Variants in CNNM2 observed in about 807,000 individuals in gnomAD.
The protein encoded by CNNM2 is cyclin and CBS domain divalent metal cation transport mediator 2.
In CNNM2, 12 loss-of-function variants were observed where a neutral mutation model predicts 66.9. That is an observed-to-expected ratio of 0.18 (90% confidence interval 0.11 to 0.29). CNNM2 has a LOEUF of 0.29. CNNM2 is among the 10% of genes least tolerant of loss of function. CNNM2 has a pLI of 1.00. For synonymous variants in CNNM2, 557 were observed against 501.8 expected (o/e 1.11, Z -1.47); for missense variants, 705 against 1,167.7 (o/e 0.60, Z 5.77).
In CNNM2 at chr10:103,009,700, T is replaced by C. The variant is rs1276811523; in HGVS notation, c.1622-40007T>C. Among the ~76,000 whole-genome samples the C allele has an allele frequency of 4.4e-4, 41 of 93,482 alleles. No individual in the cohort carries two copies. The East Asian group carries it at 0.013, about 29-fold the overall frequency. The allele number at this position is 93,482 out of a possible 152,430, so 61.3% of individuals were successfully genotyped here. On this transcript the variant is annotated intron_variant, in intron 1 of 7. Transcript: ENST00000369878. The stretch of plus-strand genomic sequence containing the variant: ...AAAAAAAAAAAAAAAAAAAAAAAAG[T>C]ATATTGGGAGAATGGAGAACCAGAG...
chr10:103,072,680 T>C (rs1473863612), intron 6 of CNNM2, among the ~76,000 whole-genome samples: 3 of 152,260 alleles, frequency 2.0e-5, no homozygotes, highest in Non-Finnish European at 2.9e-5. Context: ...TTAATCTGTC[T>C]TTAATTAAAA....
At position 103,054,026 on chromosome 10, in the gene CNNM2, C is replaced by T. The variant is rs779151012; in HGVS notation, c.1766-303C>T. On this transcript the variant is annotated intron_variant, in intron 2 of 7. Coordinates refer to ENST00000369878, the MANE Select transcript of CNNM2 (RefSeq NM_017649.5). This position sits in a 1 kb window ranked among gnomAD's most constrained non-coding sequence, Gnocchi z 5.2. ...GTGCTTCTGTGGGTCTTGTGAGAGG[C>T]TCTGTCAGCATTTGCCTGATGCTGT... Among the ~76,000 whole-genome samples, 17 of 152,116 alleles carry T rather than the reference C, an allele frequency of 1.1e-4. No homozygotes were observed. The highest frequency in any genetic ancestry group is 2.4e-4 in the Non-Finnish European group (16 of 68,018).
At position 103,073,507 on chromosome 10, in the gene CNNM2, C is replaced by T. The variant is rs144943776; in HGVS notation, c.2233+1668C>T. 1.6e-4 allele frequency among the ~76,000 whole-genome samples: 25 copies of T among 152,232 alleles called. No homozygotes were observed. The East Asian group carries it at 4.8e-3, about 29-fold the overall frequency. On this transcript the variant is annotated intron_variant, in intron 6 of 7. Coordinates refer to ENST00000369878, the MANE Select transcript of CNNM2 (RefSeq NM_017649.5). The stretch of plus-strand genomic sequence containing the variant: ...ACCCTGGGTGAAGTCACTGCATGTG[C>T]AAAACCTTGGTCATGGGGTGGGCGC...
intron 1 of CNNM2, among the ~76,000 whole-genome samples, chr10:103,025,395 G>T (rs1252974112): frequency 6.6e-6 from 1 of 152,134 alleles, no homozygotes. Flanking sequence ...AGCCAAGTTG[G>T]CTCCATTCTA....
chr10:103,024,660 A>C lies in CNNM2; in HGVS notation c.1622-25047A>C, dbSNP rs183500241. On this transcript the variant is annotated intron_variant, in intron 1 of 7. Transcript: ENST00000369878. ...TGCCTGGCTAGTTTTTTGTATTTTT[A>C]GTAGAGATGGGGTTTCACCGTGTTA... is the stretch of plus-strand genomic sequence containing the variant. Among the ~76,000 whole-genome samples the C allele has an allele frequency of 2.2e-3, 339 of 151,946 alleles. 3 individuals carry two copies. The highest frequency in any genetic ancestry group is 7.7e-3 in the African/African-American group (321 of 41,426).
In CNNM2 at chr10:102,918,679, G is replaced by A. The variant is rs1251091949; in HGVS notation, c.199G>A (p.Gly67Ser). ...CCGAGGCAAV[G>S]ENEETVIIGL... The stretch of plus-strand genomic sequence containing the variant: ...CGGTGCGGGCGGCTGCGCAGCGGTG[G>A]GCGAGAATGAGGAGACGGTGATCAT... Residue 67 changes from glycine (G) to serine (S), a missense_variant, in exon 1 of 8, where the codon GGC becomes AGC. This residue lies in a region of CNNM2 where 37 missense variants were observed against 58.5 expected (regional missense o/e 0.63). Transcript: ENST00000369878. This position sits in a 1 kb window ranked among gnomAD's most constrained non-coding sequence, Gnocchi z 4.1. 11 of 1,553,394 alleles carry A rather than the reference G, an allele frequency of 7.1e-6. No homozygotes were observed. Among genetic ancestry groups the A allele is most frequent in the African/African-American group, 1.4e-5 (1 of 73,090 alleles).
intron 1 of CNNM2, among the ~76,000 whole-genome samples, chr10:103,028,167 C>CAGAA (rs1288766374): frequency 2.0e-5 from 3 of 152,180 alleles, no homozygotes; most frequent in African/African-American, 7.2e-5. Flanking sequence ...TGCGTACTCA[C>CAGAA]AGAAAGCTTA....
chr10:103,050,038 C>T (rs923319414), intron 2 of CNNM2, among the ~76,000 whole-genome samples, 188 bp downstream of exon 2: 2 of 152,104 alleles, frequency 1.3e-5, no homozygotes, highest in Non-Finnish European at 2.9e-5. Flanking sequence ...TAATGTCAAG[C>T]GACAGCATTC....
rs936222185 is a variant in CNNM2, at chr10:103,083,654, T to C, written c.*6474T>C. 1 of 152,204 alleles carries C rather than the reference T, an allele frequency of 6.6e-6. No individual in the cohort carries two copies. Among genetic ancestry groups the C allele is most frequent in the African/African-American group, 2.4e-5 (1 of 41,446 alleles). 9.4% of individuals were successfully genotyped at this position (152,204 alleles called of 1,614,324 possible). A position where few individuals can be genotyped will look rare whatever the true frequency, so the allele number is the denominator to read the frequency against. On this transcript the variant is annotated 3_prime_UTR_variant, in exon 8 of 8. Coordinates refer to ENST00000369878, the MANE Select transcript of CNNM2 (RefSeq NM_017649.5). Reference sequence around the variant, plus strand: ...GGGAAGGTGTCCTTCTTTGCAAGGATTATAATCTGTTCTCCATCAGTTACT... The same window carrying C: ...GGGAAGGTGTCCTTCTTTGCAAGGACTATAATCTGTTCTCCATCAGTTACT...
At chr10:102,978,791 G>A (rs932680618) in intron 1 of CNNM2, among the ~76,000 whole-genome samples, 3 of 152,076 alleles carry the variant, frequency 2.0e-5, no homozygotes, top group Non-Finnish European at 2.9e-5. Flanking sequence ...CTGTCCCAAG[G>A]GTAATCATCA....
rs186840780 is a variant in CNNM2, at chr10:103,089,085, G to A, written c.*11905G>A. On this transcript the variant is annotated 3_prime_UTR_variant, in exon 8 of 8. Coordinates refer to ENST00000369878, the MANE Select transcript of CNNM2 (RefSeq NM_017649.5). ...AAATAGAATCCTGCCCTAAAGCAAC[G>A]CAAGTAGAGCATACTTCTGTGCAAA... 4.9e-5 allele frequency: 11 copies of A among 224,558 alleles called. No homozygotes were observed. The highest frequency in any genetic ancestry group is 3.9e-4 in the East Asian group (6 of 15,442). The allele number at this position is 224,558 out of a possible 1,614,324, so 13.9% of individuals were successfully genotyped here.
At chr10:103,011,817 C>T (rs1452504485) in intron 1 of CNNM2, among the ~76,000 whole-genome samples, 2 of 151,972 alleles carry the variant, frequency 1.3e-5, no homozygotes, top group African/African-American at 4.8e-5. Context: ...CTCAACCTCC[C>T]AAATAGCTGG....
chr10:102,921,110 G>A (rs1845617359), intron 1 of CNNM2: 15 of 900,846 alleles, frequency 1.7e-5, no homozygotes, highest in Non-Finnish European at 2.0e-5. Context: ...ACCATATAAT[G>A]AACAGGTAAA....
intron 1 of CNNM2, among the ~76,000 whole-genome samples, chr10:103,039,757 G>T (rs2065007129): frequency 6.6e-6 from 1 of 152,132 alleles, no homozygotes; most frequent in Admixed American, 6.5e-5. Context: ...TATAAGGGCT[G>T]ACCCCTTCTT....
chr10:102,968,608 CT>C (rs547393785), intron 1 of CNNM2, among the ~76,000 whole-genome samples: 329 of 142,442 alleles, frequency 2.3e-3, no homozygotes, highest in Non-Finnish European at 2.7e-3. Flanking sequence ...GAGTGTAGTG[CT>C]TTTTTTTTTT....
At chr10:103,016,853 C>A (rs567892285) in intron 1 of CNNM2, among the ~76,000 whole-genome samples, 1 of 152,248 alleles carries the variant, frequency 6.6e-6, no homozygotes, top group Admixed American at 6.5e-5. Flanking sequence ...CTCTGCTGGC[C>A]CCTGCTGCTT....
At position 103,045,716 on chromosome 10, in the gene CNNM2, G is replaced by T. The variant is rs1038708563; in HGVS notation, c.1622-3991G>T. On this transcript the variant is annotated intron_variant, in intron 1 of 7. Coordinates refer to ENST00000369878, the MANE Select transcript of CNNM2 (RefSeq NM_017649.5). ...TTTATGGATATGTTTTAGATACTTT[G>T]CATGCTTTGGATTGGGAAAACCAAT... Among the ~76,000 whole-genome samples the T allele has an allele frequency of 2.0e-5, 3 of 151,364 alleles. No individual in the cohort carries two copies. The East Asian group carries it at 5.8e-4, about 29-fold the overall frequency.
intron 1 of CNNM2, among the ~76,000 whole-genome samples, chr10:103,039,304 T>G (rs2064998005): frequency 6.6e-6 from 1 of 152,082 alleles, no homozygotes; most frequent in Admixed American, 6.5e-5. Flanking sequence ...GCCTGGCTAA[T>G]TTTTGTATTT....
intron 4 of CNNM2, among the ~76,000 whole-genome samples, chr10:103,059,823 TAATC>T (rs776214598): frequency 6.6e-6 from 1 of 152,154 alleles, no homozygotes; most frequent in Non-Finnish European, 1.5e-5. Flanking sequence ...AAATTAAACA[TAATC>T]AAGAGAAATA....
Sources: allele counts gnomAD v4.1 joint callset (sites outside exome capture counted in the v4.1 genomes callset), GRCh38; gene constraint gnomAD v4.1.1; regional missense constraint gnomAD v4.1.1; non-coding constraint Gnocchi (gnomAD v3.1); transcripts MANE v1.5; gene names NCBI Gene and HGNC (gene_info 2026-07-23, HGNC 2026-07-21).